Variants in CACNA1D observed in about 807,000 individuals in gnomAD.
The protein encoded by CACNA1D is voltage-dependent L-type calcium channel subunit alpha-1D.
In CACNA1D, 55 loss-of-function variants were observed where a neutral mutation model predicts 257.1. The ratio of observed to expected loss-of-function variants is 0.21; its 90% CI spans 0.17 to 0.27. The LOEUF is 0.27. CACNA1D is among the 10% of genes least tolerant of loss of function. The pLI, the probability that CACNA1D is intolerant of heterozygous loss-of-function variation, is 1.00. For missense variants in CACNA1D, 1,876 were observed against 2,784.0 expected, an observed-to-expected ratio of 0.67 and a Z score of 7.34; for synonymous variants, 980 against 1,014.9, an observed-to-expected ratio of 0.97 and a Z score of 0.65.
intron 3 of CACNA1D, among the ~76,000 whole-genome samples, chr3:53,575,777 C>T (rs1417935239): frequency 6.6e-6 from 1 of 152,158 alleles, no homozygotes; most frequent in Non-Finnish European, 1.5e-5. Flanking sequence ...AGTCAGTTCT[C>T]TTTATCGGAA....
chr3:53,744,533 A>G (rs1056836500), intron 22 of CACNA1D, among the ~76,000 whole-genome samples: 1 of 152,212 alleles, frequency 6.6e-6, no homozygotes, highest in African/African-American at 2.4e-5. Flanking sequence ...TGTGAGTGCC[A>G]TGGGCTGGGC....
At chr3:53,711,199 T>C (rs1317751028) in intron 9 of CACNA1D, among the ~76,000 whole-genome samples, 3 of 152,208 alleles carry the variant, frequency 2.0e-5, no homozygotes, top group African/African-American at 4.8e-5. Flanking sequence ...GTCAGCGATA[T>C]TGCGCCATTA....
At chr3:53,553,475 C>T (rs1325813042) in intron 3 of CACNA1D, among the ~76,000 whole-genome samples, 1 of 152,170 alleles carries the variant, frequency 6.6e-6, no homozygotes, top group Non-Finnish European at 1.5e-5. Flanking sequence ...GGGGAAATGT[C>T]ACAGCACTGC....
intron 9 of CACNA1D, among the ~76,000 whole-genome samples, chr3:53,713,199 C>T (rs1399792843): frequency 6.6e-6 from 1 of 152,178 alleles, no homozygotes; most frequent in Admixed American, 6.5e-5. Flanking sequence ...AACCAGCCAG[C>T]ATGTGGGCGT....
chr3:53,653,963 A>C (rs1045034058), intron 4 of CACNA1D, among the ~76,000 whole-genome samples: 3 of 152,246 alleles, frequency 2.0e-5, no homozygotes. Flanking sequence ...ATCTCAGACT[A>C]TTTGTCAACA....
chr3:53,775,817 C>T, intron 34 of CACNA1D, 69 bp from the exon 35 acceptor site: 4 of 1,464,256 alleles, frequency 2.7e-6, no homozygotes, highest in Non-Finnish European at 3.8e-6. Context: ...GAGTTTTTCT[C>T]CCCTAAGATC....
At position 53,723,885 on chromosome 3, in the gene CACNA1D, C is replaced by G; in HGVS notation, c.1986C>G (p.Ile662Met). The change falls in exon 14 of 48, where the codon ATC (isoleucine) becomes ATG (methionine). Residue 662 changes from isoleucine to methionine, a missense_variant. Ile to Met is a conservative substitution (Grantham distance 10). Around this residue, in one of 10 missense-constraint regions of CACNA1D, gnomAD observed 257 missense variants for 399.7 expected, o/e 0.64. Transcript: ENST00000350061. This position sits in a 1 kb window ranked among gnomAD's most constrained non-coding sequence, Gnocchi z 5.6. The stretch of plus-strand genomic sequence containing the variant: ...TGCTTCTGCTTTTTCTCTTCATTAT[C>G]ATCTTTTCCTTGCTTGGGATGCAGC... Reference protein sequence around the residue: ...SLLLLLFLFIIIFSLLGMQLF... With the variant: ...SLLLLLFLFIMIFSLLGMQLF... 6.2e-7 allele frequency: 1 copy of G among 1,614,136 alleles called. No individual in the cohort carries two copies. The highest frequency in any genetic ancestry group is 8.5e-7 in the Non-Finnish European group (1 of 1,180,000).
intron 3 of CACNA1D, among the ~76,000 whole-genome samples, chr3:53,611,500 T>C (rs1248751384): frequency 6.6e-6 from 1 of 152,222 alleles, no homozygotes; most frequent in Non-Finnish European, 1.5e-5. Context: ...TACTTGATTT[T>C]AGTGAGAGGT....
chr3:53,810,226 CCTGA>C lies in CACNA1D; in HGVS notation c.6124_6127del (p.Thr2042SerfsTer24). 2 of 1,613,978 alleles carry C rather than the reference CCTGA, an allele frequency of 1.2e-6. No homozygotes were observed. Among genetic ancestry groups the C allele is most frequent in the East Asian group, 4.5e-5 (2 of 44,878 alleles). ...CCTACCGGACTTTCACACCAGCCAG[CCTGA>C]CTGTCCCCAGCAGCTTCCGGAACAA... On this transcript the variant is annotated frameshift_variant, in exon 47 of 48. Transcript: ENST00000350061. LOFTEE classifies it high-confidence loss of function.
intron 3 of CACNA1D, among the ~76,000 whole-genome samples, chr3:53,647,409 A>G (rs1301062956): frequency 6.6e-6 from 1 of 152,172 alleles, no homozygotes; most frequent in Non-Finnish European, 1.5e-5. Flanking sequence ...GTATGGTTCT[A>G]GAGGGTTCCT....
chr3:53,707,805 A>C (rs60268336), intron 9 of CACNA1D, among the ~76,000 whole-genome samples: 40,554 of 151,938 alleles, frequency 0.27, 6,130 homozygotes, highest in East Asian at 0.61. Flanking sequence ...AAAAAAAAAA[A>C]GCATTAAAAA....
rs1161880837 is a variant in CACNA1D at position 53,495,208 on chromosome 3, G to T, written c.42G>T (p.Arg14=). The change falls in exon 1 of 48, where the codon CGG becomes CGT. Residue 14 remains arginine, a synonymous_variant. Coordinates refer to ENST00000350061, the MANE Select transcript of CACNA1D (RefSeq NM_001128840.3). The surrounding 1 kb of genome is among the most constrained non-coding windows in gnomAD (Gnocchi z 5.1). Reference sequence around the variant, plus strand: ...TGATGAAAAAAATGCAGCATCAACGGCAGCAGCAAGCGGACCACGCGAACG... The same window carrying T: ...TGATGAAAAAAATGCAGCATCAACGTCAGCAGCAAGCGGACCACGCGAACG... ...MMMMKKMQHQ[R]QQQADHANEA... The T allele has an allele frequency of 6.2e-7, 1 of 1,613,772 alleles. No individual in the cohort carries two copies. Among genetic ancestry groups the T allele is most frequent in the East Asian group, 2.2e-5 (1 of 44,854 alleles).
intron 9 of CACNA1D, among the ~76,000 whole-genome samples, chr3:53,704,894 G>A (rs1173919203): frequency 3.3e-5 from 5 of 152,160 alleles, no homozygotes; most frequent in Admixed American, 6.5e-5. Flanking sequence ...ACAAGGTTTC[G>A]TGTTCTAGTG....
intron 43 of CACNA1D, among the ~76,000 whole-genome samples, 167 bp from the exon 44 acceptor site, chr3:53,803,256 G>A (rs554010667): frequency 2.6e-5 from 4 of 152,276 alleles, no homozygotes; most frequent in South Asian, 2.1e-4. Context: ...ACACACACAC[G>A]GTGCTGTTGC....
At chr3:53,787,049 C>A in intron 40 of CACNA1D, 97 bp downstream of exon 40, 1 of 1,320,362 alleles carries the variant, frequency 7.6e-7, no homozygotes, top group Non-Finnish European at 1.1e-6. Context: ...TGAGCAGTAC[C>A]ACAAGGATTT....
intron 3 of CACNA1D, among the ~76,000 whole-genome samples, chr3:53,623,604 A>G (rs2093723198): frequency 6.6e-6 from 1 of 150,850 alleles, no homozygotes; most frequent in Non-Finnish European, 1.5e-5. Context: ...GATAATTATG[A>G]TTTATCACCC....
chr3:53,611,725 G>A (rs1161165820), intron 3 of CACNA1D, among the ~76,000 whole-genome samples: 1 of 152,166 alleles, frequency 6.6e-6, no homozygotes, highest in African/African-American at 2.4e-5. Context: ...TTTGGATAAT[G>A]TAAATGTAGC....
intron 3 of CACNA1D, among the ~76,000 whole-genome samples, chr3:53,506,992 G>A (rs918305424): frequency 1.3e-4 from 20 of 149,414 alleles, no homozygotes; most frequent in African/African-American, 4.9e-4. Context: ...AGTCTTGGTT[G>A]AGCCCAGGAG....
chr3:53,744,392 C>T (rs1391550174), intron 22 of CACNA1D, among the ~76,000 whole-genome samples: 1 of 152,210 alleles, frequency 6.6e-6, no homozygotes, highest in East Asian at 1.9e-4. Context: ...AGACCTCCAA[C>T]CTTAAACAAA....
Sources: allele counts gnomAD v4.1 joint callset (sites outside exome capture counted in the v4.1 genomes callset), GRCh38; gene constraint gnomAD v4.1.1; regional missense constraint gnomAD v4.1.1; non-coding constraint Gnocchi (gnomAD v3.1); transcripts MANE v1.5; gene names NCBI Gene and HGNC (gene_info 2026-07-23, HGNC 2026-07-21).